Variants in SMYD3 observed in about 807,000 individuals in gnomAD.
SMYD3 encodes the protein histone-lysine N-methyltransferase SMYD3.
SMYD3 carries 36 observed loss-of-function variants against 57.7 expected under a neutral mutation model. That is an observed-to-expected ratio of 0.62 (90% CI 0.48 to 0.82). SMYD3 has a LOEUF of 0.82. Ranked by LOEUF, SMYD3 falls within the 40% of genes least tolerant of loss-of-function variation. SMYD3 has a pLI of 0.00. For synonymous variants in SMYD3, 211 were observed against 195.0 expected, an observed-to-expected ratio of 1.08 and a Z score of -0.68; for missense variants, 515 against 538.8, an observed-to-expected ratio of 0.96 and a Z score of 0.44.
chr1:245,880,605 T>C lies in SMYD3; in HGVS notation c.814-16719A>G, dbSNP rs563438997. 3.3e-5 allele frequency among the ~76,000 whole-genome samples: 5 copies of C among 152,316 alleles called. No homozygotes were observed. The East Asian group carries it at 7.7e-4, about 23-fold the overall frequency. On this transcript the variant is annotated intron_variant, in intron 8 of 11. Transcript: ENST00000490107. ...TATCAGGTAAAAACCAGTCCAATCC[T>C]TATAGAAGACAAGACTGCAGCTGAG...
At chr1:246,364,344 C>T (rs2066062877) in intron 1 of SMYD3, among the ~76,000 whole-genome samples, 1 of 151,920 alleles carries the variant, frequency 6.6e-6, no homozygotes, top group South Asian at 2.1e-4. Context: ...CTCTAAAAGT[C>T]AACCTATAAT....
At chr1:245,752,763 C>T (rs2045444299) in intron 11 of SMYD3, among the ~76,000 whole-genome samples, 1 of 152,196 alleles carries the variant, frequency 6.6e-6, no homozygotes, top group Non-Finnish European at 1.5e-5. Flanking sequence ...GGCCTTCCTC[C>T]AGCTTCACAT....
intron 5 of SMYD3, among the ~76,000 whole-genome samples, chr1:246,180,432 T>C (rs1451286149): frequency 2.7e-5 from 4 of 149,520 alleles, no homozygotes; most frequent in African/African-American, 9.8e-5. Context: ...TTTTGGAGAC[T>C]GATGCAAATG....
chr1:246,214,795 T>A (rs908791966), intron 5 of SMYD3, among the ~76,000 whole-genome samples: 2 of 152,126 alleles, frequency 1.3e-5, no homozygotes, highest in African/African-American at 4.8e-5. Flanking sequence ...GGAGGAATGA[T>A]CATTAAAACA....
intron 5 of SMYD3, among the ~76,000 whole-genome samples, chr1:245,983,512 T>C (rs748351198): frequency 2.0e-5 from 3 of 152,180 alleles, no homozygotes; most frequent in Non-Finnish European, 2.9e-5. Context: ...GATTTTTAAA[T>C]TGTTTGACTT....
At chr1:246,424,717 A>C (rs991436465) in intron 1 of SMYD3, among the ~76,000 whole-genome samples, 1 of 152,214 alleles carries the variant, frequency 6.6e-6, no homozygotes, top group African/African-American at 2.4e-5. Context: ...TCACTCAAAT[A>C]AGTTTTTGAA....
chr1:245,831,180 G>A (rs1256948591), intron 10 of SMYD3, among the ~76,000 whole-genome samples: 1 of 152,172 alleles, frequency 6.6e-6, no homozygotes, highest in African/African-American at 2.4e-5. Context: ...CATGATGACA[G>A]TTCTGTATCT....
chr1:246,048,841 T>C (rs12750611), intron 5 of SMYD3, among the ~76,000 whole-genome samples: 9,957 of 152,112 alleles, frequency 0.065, 373 homozygotes, highest in African/African-American at 0.08. Context: ...GTAATGTCTG[T>C]TGTGGGATTC....
intron 1 of SMYD3, among the ~76,000 whole-genome samples, chr1:246,482,676 C>T (rs1269375176): frequency 6.6e-6 from 1 of 152,074 alleles, no homozygotes; most frequent in Admixed American, 6.5e-5. Flanking sequence ...AGGGCCAGCC[C>T]CTGAACTAAA....
At chr1:245,770,884 A>G (rs2046305219) in intron 10 of SMYD3, among the ~76,000 whole-genome samples, 1 of 152,202 alleles carries the variant, frequency 6.6e-6, no homozygotes, top group South Asian at 2.1e-4. Context: ...GATTAGTCAG[A>G]GCTGAGGAAA....
chr1:246,035,743 A>T (rs1161515542), intron 5 of SMYD3: 1 of 152,128 alleles, frequency 6.6e-6, no homozygotes, highest in Non-Finnish European at 1.5e-5. Flanking sequence ...ATCCATATTC[A>T]ACTCTTTCCA....
At chr1:246,316,570 G>A (rs185087143) in intron 5 of SMYD3, among the ~76,000 whole-genome samples, 3,308 of 136,492 alleles carry the variant, frequency 0.024, 66 homozygotes, top group Non-Finnish European at 0.039. Flanking sequence ...TTGTAGAGAC[G>A]GAGTTTCACC....
intron 5 of SMYD3, among the ~76,000 whole-genome samples, chr1:246,295,161 C>T (rs973696775): frequency 3.9e-5 from 6 of 152,002 alleles, no homozygotes; most frequent in Admixed American, 2.6e-4. Context: ...CTAATAGCAG[C>T]ACCAGAACCT....
chr1:246,195,820 G>T (rs1331636872), intron 5 of SMYD3, among the ~76,000 whole-genome samples: 1 of 152,142 alleles, frequency 6.6e-6, no homozygotes, highest in Non-Finnish European at 1.5e-5. Context: ...CGGAGGTTAG[G>T]AAGCCCTACG....
chr1:246,001,534 C>G (rs899988184), intron 5 of SMYD3, among the ~76,000 whole-genome samples: 2 of 103,892 alleles, frequency 1.9e-5, no homozygotes, highest in Non-Finnish European at 5.6e-5. Flanking sequence ...ATTAGCCACC[C>G]TTGCCAAAAT....
intron 5 of SMYD3, among the ~76,000 whole-genome samples, chr1:246,120,753 C>A (rs966859063): frequency 6.6e-6 from 1 of 152,148 alleles, no homozygotes; most frequent in Non-Finnish European, 1.5e-5. Context: ...CATCTCCAAC[C>A]CAACCATCCC....
chr1:246,245,912 C>T (rs2063696270), intron 5 of SMYD3, among the ~76,000 whole-genome samples: 2 of 152,120 alleles, frequency 1.3e-5, no homozygotes, highest in South Asian at 4.1e-4. Flanking sequence ...CCACAGATAA[C>T]ACACCAGGCC....
chr1:245,823,662 G>A (rs2049306570), intron 10 of SMYD3, among the ~76,000 whole-genome samples: 1 of 152,158 alleles, frequency 6.6e-6, no homozygotes, highest in Non-Finnish European at 1.5e-5. Context: ...TTTCCCACAA[G>A]TCGTTCAATT....
intron 5 of SMYD3, among the ~76,000 whole-genome samples, chr1:246,118,266 C>A (rs1371150789): frequency 6.6e-6 from 1 of 152,074 alleles, no homozygotes; most frequent in African/African-American, 2.4e-5. Flanking sequence ...TAAATGATAC[C>A]TTTAAGGTTA....
Sources: gnomAD v4.1 joint callset for allele counts (sites outside exome capture counted in the v4.1 genomes callset) on GRCh38, gnomAD v4.1.1 for gene constraint, MANE v1.5 for transcripts, NCBI Gene and HGNC (gene_info 2026-07-23, HGNC 2026-07-21) for gene names.